DNAJC3: variants seen among roughly 807,000 people sequenced by gnomAD.
The protein encoded by DNAJC3 is dnaJ homolog subfamily C member 3.
In DNAJC3, 38 loss-of-function variants were observed where a neutral mutation model predicts 68.6. The observed-to-expected ratio is 0.55, with a 90% CI of 0.43 to 0.73. DNAJC3 has a LOEUF of 0.73. Ranked by LOEUF, DNAJC3 falls within the 30% of genes least tolerant of loss-of-function variation. The pLI, the probability that DNAJC3 is intolerant of heterozygous loss-of-function variation, is 0.00. For synonymous variants in DNAJC3, 203 were observed against 204.0 expected, an observed-to-expected ratio of 1.00 and a Z score of 0.04; for missense variants, 526 against 591.9, an observed-to-expected ratio of 0.89 and a Z score of 1.16.
chr13:95,692,086 G>A (rs2139606625), intron 1 of DNAJC3, among the ~76,000 whole-genome samples: 1 of 147,134 alleles, frequency 6.8e-6, no homozygotes, highest in Middle Eastern at 3.5e-3. Flanking sequence ...GAGGGAGAGG[G>A]AGACCGTGGA....
intron 1 of DNAJC3, among the ~76,000 whole-genome samples, chr13:95,690,277 T>G (rs1378291544): frequency 1.3e-5 from 2 of 152,196 alleles, no homozygotes; most frequent in East Asian, 3.9e-4. Context: ...ATACAGCACA[T>G]GTTTCAGAGA....
chr13:95,690,687 G>T (rs1880212580), intron 1 of DNAJC3, among the ~76,000 whole-genome samples: 1 of 143,916 alleles, frequency 6.9e-6, no homozygotes, highest in African/African-American at 2.6e-5. Context: ...CTCCCTCCCG[G>T]ACGGGGCGGC....
chr13:95,763,039 A>G lies in DNAJC3; in HGVS notation c.849-604A>G, dbSNP rs1313965603. On this transcript the variant is annotated intron_variant, in intron 7 of 11. Transcript: ENST00000602402. ...GGCATAGAAACATATTTTTTACTTTACTATTGTTGAGGGAAATAACTGAGT... is the reference window on the plus strand; with the variant it reads ...GGCATAGAAACATATTTTTTACTTTGCTATTGTTGAGGGAAATAACTGAGT... Among the ~76,000 whole-genome samples the G allele has an allele frequency of 2.0e-5, 3 of 152,282 alleles. No individual in the cohort carries two copies. In the East Asian group the frequency reaches 5.8e-4, roughly 29 times the overall value.
chr13:95,784,576 C>T (rs1232040166), intron 9 of DNAJC3, among the ~76,000 whole-genome samples: 1 of 152,136 alleles, frequency 6.6e-6, no homozygotes, highest in Non-Finnish European at 1.5e-5. Context: ...CTGGCCTGCA[C>T]CAAAATCCCA....
At chr13:95,782,507 C>A (rs139057293) in intron 9 of DNAJC3, among the ~76,000 whole-genome samples, 2,278 of 152,248 alleles carry the variant, frequency 0.015, 60 homozygotes, top group African/African-American at 0.052. Flanking sequence ...TAACTGGTGT[C>A]AGATAGTACC....
At chr13:95,740,879 C>A (rs542064337) in intron 4 of DNAJC3, among the ~76,000 whole-genome samples, 1 of 152,218 alleles carries the variant, frequency 6.6e-6, no homozygotes, top group Non-Finnish European at 1.5e-5. Context: ...TCAGTGAATT[C>A]TTTAGTTCCA....
intron 1 of DNAJC3, chr13:95,694,421 A>T (rs2139609564): frequency 6.5e-6 from 1 of 152,784 alleles, no homozygotes; most frequent in Admixed American, 6.5e-5. Context: ...CTCCATAAAT[A>T]GGAGAAAGTT....
intron 1 of DNAJC3, among the ~76,000 whole-genome samples, chr13:95,699,364 G>A (rs1236101242): frequency 1.3e-5 from 2 of 152,202 alleles, no homozygotes; most frequent in African/African-American, 2.4e-5. Context: ...AGTTTGAAGA[G>A]TAACTCACCC....
chr13:95,781,676 G>C (rs1005802200), intron 9 of DNAJC3, among the ~76,000 whole-genome samples: 42 of 152,222 alleles, frequency 2.8e-4, no homozygotes, highest in African/African-American at 8.9e-4. Flanking sequence ...AGATTTTTTA[G>C]ATTCAGAAGT....
chr13:95,736,326 A>G (rs1156720617), intron 4 of DNAJC3, among the ~76,000 whole-genome samples: 1 of 151,596 alleles, frequency 6.6e-6, no homozygotes, highest in African/African-American at 2.4e-5. Flanking sequence ...GTTCCATATG[A>G]ACTTTAAAGT....
chr13:95,729,199 C>G (rs1040327242), intron 4 of DNAJC3, among the ~76,000 whole-genome samples: 8 of 149,936 alleles, frequency 5.3e-5, no homozygotes, highest in Non-Finnish European at 7.4e-5. Context: ...CTCTCTCTCT[C>G]TCTTTCTCTC....
Position 95,763,915 on chromosome 13 carries a change from G to A in DNAJC3, c.1037G>A (p.Arg346Gln), listed in dbSNP as rs143390438. 279 of 1,613,884 alleles carry A rather than the reference G, an allele frequency of 1.7e-4. No individual in the cohort carries two copies. The highest frequency in any genetic ancestry group is 2.3e-4 in the Non-Finnish European group (269 of 1,179,950). ...GACAATGTGAATGCCCTGAAAGATCGAGCAGAGGCCTATTTGATAGAGGAA... is the reference window on the plus strand; with the variant it reads ...GACAATGTGAATGCCCTGAAAGATCAAGCAGAGGCCTATTTGATAGAGGAA... ...EPDNVNALKD[R>Q]AEAYLIEEMY... The change falls in exon 9 of 12, where the codon CGA becomes CAA. Residue 346 changes from arginine to glutamine, a missense_variant. Physicochemically the swap from Arg to Gln is conservative, Grantham distance 43. Transcript: ENST00000602402.
intron 2 of DNAJC3, among the ~76,000 whole-genome samples, chr13:95,718,486 C>G (rs189903681): frequency 1.3e-5 from 2 of 152,346 alleles, no homozygotes; most frequent in East Asian, 3.9e-4. Context: ...GCTGCAACCT[C>G]CACTTTTCGG....
intron 2 of DNAJC3, among the ~76,000 whole-genome samples, chr13:95,716,703 C>T (rs1057337855): frequency 1.3e-5 from 2 of 152,178 alleles, no homozygotes; most frequent in Non-Finnish European, 2.9e-5. Context: ...CCTGGCTGAA[C>T]TCCCCTCAGC....
At chr13:95,788,362 T>C (rs1883665341) in intron 11 of DNAJC3, among the ~76,000 whole-genome samples, 1 of 152,180 alleles carries the variant, frequency 6.6e-6, no homozygotes, top group Non-Finnish European at 1.5e-5. Flanking sequence ...TGTGCTACGT[T>C]TTAAGGTACC....
chr13:95,718,756 C>CA (rs1234689894), intron 2 of DNAJC3, among the ~76,000 whole-genome samples: 15 of 152,116 alleles, frequency 9.9e-5, no homozygotes, highest in East Asian at 1.9e-4. Flanking sequence ...TCTCAGTGGA[C>CA]AAAAAAATTC....
chr13:95,737,299 C>G (rs912805452), intron 4 of DNAJC3, among the ~76,000 whole-genome samples: 36 of 152,292 alleles, frequency 2.4e-4, no homozygotes, highest in African/African-American at 8.4e-4. Flanking sequence ...TGTTGTGTCC[C>G]TGCCTGGCTT....
At chr13:95,728,992 C>A (rs1881616692) in intron 4 of DNAJC3, among the ~76,000 whole-genome samples, 1 of 152,124 alleles carries the variant, frequency 6.6e-6, no homozygotes, top group Non-Finnish European at 1.5e-5. Flanking sequence ...TGTCTGTCAT[C>A]CTACTCTCTA....
At chr13:95,743,083 G>A (rs912631142) in intron 4 of DNAJC3, 2 of 356,748 alleles carry the variant, frequency 5.6e-6, no homozygotes, top group African/African-American at 2.1e-5. Context: ...AAAATCAGTT[G>A]GCTGTACTTT....
Sources: allele counts gnomAD v4.1 joint callset (sites outside exome capture counted in the v4.1 genomes callset), GRCh38; gene constraint gnomAD v4.1.1; transcripts MANE v1.5; gene names NCBI Gene and HGNC (gene_info 2026-07-23, HGNC 2026-07-21).